The following CFAP97 variants were observed in gnomAD, a reference collection of about 807,000 sequenced individuals.
CFAP97 encodes cilia- and flagella-associated protein 97.
In CFAP97, 36 loss-of-function variants were observed where a neutral mutation model predicts 43.1. That is an observed-to-expected ratio of 0.84 (90% CI 0.64 to 1.10). The LOEUF (loss-of-function observed/expected upper bound fraction) is 1.10. Ranked by LOEUF, CFAP97 falls within the 50% of genes least tolerant of loss-of-function variation. CFAP97 has a pLI of 0.00. For synonymous variants in CFAP97, 228 were observed against 225.7 expected (o/e 1.01, Z -0.09); for missense variants, 657 against 620.3 (o/e 1.06, Z -0.63).
intron 4 of CFAP97, among the ~76,000 whole-genome samples, chr4:185,163,772 A>G (rs1357006491): frequency 1.3e-5 from 2 of 152,200 alleles, no homozygotes; most frequent in East Asian, 3.9e-4. Flanking sequence ...TGAAATTAAC[A>G]GTCCTTCCTC....
At chr4:185,178,597 G>A (rs1735655165) in intron 2 of CFAP97, among the ~76,000 whole-genome samples, 1 of 152,046 alleles carries the variant, frequency 6.6e-6, no homozygotes, top group South Asian at 2.1e-4. Context: ...CTAGGATGAT[G>A]GAAATGTTCT....
At chr4:185,180,682 C>A (rs554916018) in intron 2 of CFAP97, among the ~76,000 whole-genome samples, 3 of 152,192 alleles carry the variant, frequency 2.0e-5, no homozygotes, top group East Asian at 3.9e-4. Flanking sequence ...CACCCACTTG[C>A]ATTCTTTGTA....
intron 3 of CFAP97, among the ~76,000 whole-genome samples, chr4:185,164,968 G>C (rs911075031): frequency 1.3e-5 from 2 of 152,188 alleles, no homozygotes; most frequent in Non-Finnish European, 2.9e-5. Context: ...GGGCTTGTAG[G>C]CCACTGGGGA....
Position 185,189,471 on chromosome 4 carries a change from TTA to T in CFAP97, c.1054+670_1054+671del, listed in dbSNP as rs1202871369. Among the ~76,000 whole-genome samples the T allele has an allele frequency of 1.1e-4, 17 of 152,344 alleles. No individual in the cohort carries two copies. In the East Asian group the frequency reaches 2.9e-3, roughly 26 times the overall value. On this transcript the variant is annotated intron_variant, in intron 2 of 4. Transcript: ENST00000458385. ...AACCCACCCAGTATTATTAGTTCTA[TTA>T]ACTAATCCAAAGATAAACTTTGAAG...
At chr4:185,204,272 C>T (rs1737087078), upstream of CFAP97, 1 of 152,210 alleles carries the variant, frequency 6.6e-6, no homozygotes, top group Admixed American at 6.5e-5. Flanking sequence ...CGGGTAGGCC[C>T]CGTTGTTCTC....
At chr4:185,169,486 G>T (rs937922849) in intron 3 of CFAP97, 6 of 572,172 alleles carry the variant, frequency 1.0e-5, no homozygotes, top group Non-Finnish European at 1.3e-5. Context: ...TTGCAGAACT[G>T]TAAGTCAATT....
upstream of CFAP97, among the ~76,000 whole-genome samples, chr4:185,208,455 C>T (rs756015704): frequency 1.4e-4 from 22 of 152,136 alleles, no homozygotes; most frequent in African/African-American, 4.1e-4. Context: ...TGAGGCCGGG[C>T]GCGGTGGCTT....
At chr4:185,208,137 C>G (rs1225552090), upstream of CFAP97, among the ~76,000 whole-genome samples, 1 of 152,004 alleles carries the variant, frequency 6.6e-6, no homozygotes, top group Admixed American at 6.6e-5. Flanking sequence ...GAGACGAAGT[C>G]TCACTCTGTT....
intron 2 of CFAP97, among the ~76,000 whole-genome samples, chr4:185,188,996 G>C (rs1277321099): frequency 6.6e-6 from 1 of 152,128 alleles, no homozygotes. Flanking sequence ...CCAGCCCTTC[G>C]GGACGCTGAG....
upstream of CFAP97, among the ~76,000 whole-genome samples, chr4:185,208,171 C>T (rs1367450478): frequency 2.0e-5 from 3 of 151,998 alleles, no homozygotes; most frequent in Non-Finnish European, 4.4e-5. Context: ...TGCAATGGCG[C>T]GATGTCGGCT....
chr4:185,166,645 T>C (rs1397037487), intron 3 of CFAP97, among the ~76,000 whole-genome samples: 5 of 152,236 alleles, frequency 3.3e-5, no homozygotes, highest in African/African-American at 1.2e-4. Flanking sequence ...AAACCCATTC[T>C]GGAGTCTGAT....
At chr4:185,174,004 A>G (rs1735416210) in intron 3 of CFAP97, among the ~76,000 whole-genome samples, 1 of 152,032 alleles carries the variant, frequency 6.6e-6, no homozygotes, top group Non-Finnish European at 1.5e-5. Flanking sequence ...AAAAAAGGTA[A>G]CCCCAAAGCT....
intron 1 of CFAP97, among the ~76,000 whole-genome samples, chr4:185,191,792 C>T (rs1022494250): frequency 2.6e-5 from 4 of 151,926 alleles, no homozygotes; most frequent in African/African-American, 9.7e-5. Context: ...ATCACACCAC[C>T]GCACTCCAGC....
chr4:185,172,691 T>C (rs192696631), intron 3 of CFAP97, among the ~76,000 whole-genome samples: 5 of 152,208 alleles, frequency 3.3e-5, no homozygotes, highest in Admixed American at 6.5e-5. Context: ...ATGTGTACTT[T>C]GAATATTAAC....
Position 185,162,858 on chromosome 4 carries a change from G to A in CFAP97, c.1539C>T (p.Pro513=), listed in dbSNP as rs778042401. ...GTCTTCTTCGAGGGTGGCCACTGGA[G>A]GGGTCAACCGCTGATCGCTCACTCC... ...SCRSERSAVD[P]SSGHPRRRPK... The change falls in exon 5 of 5, where the codon CCC becomes CCT. Residue 513 remains proline, a synonymous_variant. Transcript: ENST00000458385. The A allele has an allele frequency of 1.7e-5, 28 of 1,612,572 alleles. No homozygotes were observed. The highest frequency in any genetic ancestry group is 2.0e-5 in the Non-Finnish European group (23 of 1,179,416).
At chr4:185,166,112 G>C (rs1357570642) in intron 3 of CFAP97, among the ~76,000 whole-genome samples, 1 of 152,118 alleles carries the variant, frequency 6.6e-6, no homozygotes, top group African/African-American at 2.4e-5. Context: ...CTAGAAAAGA[G>C]TCACCTACTC....
chr4:185,182,730 T>A (rs966755241), intron 2 of CFAP97, among the ~76,000 whole-genome samples: 3 of 152,220 alleles, frequency 2.0e-5, no homozygotes, highest in Non-Finnish European at 2.9e-5. Flanking sequence ...CCTATACTGG[T>A]AGATTCAATT....
chr4:185,184,721 T>G (rs777049308), intron 2 of CFAP97, among the ~76,000 whole-genome samples: 1 of 152,210 alleles, frequency 6.6e-6, no homozygotes, highest in Non-Finnish European at 1.5e-5. Context: ...ATTCCCTTCT[T>G]GTATTCAAAA....
rs76206473 is a variant in CFAP97, at chr4:185,163,384, G to A, written c.1472-459C>T. Among the ~76,000 whole-genome samples the A allele has an allele frequency of 3.4e-3, 523 of 152,128 alleles. 2 individuals carry two copies. Among genetic ancestry groups the A allele is most frequent in the African/African-American group, 0.011 (466 of 41,482 alleles). ...GCGGGCGCTGGGAAGTTGTGGCATCGGGCGGTTTGGTATTCCCTTCTATTT... is the reference window on the plus strand; with the variant it reads ...GCGGGCGCTGGGAAGTTGTGGCATCAGGCGGTTTGGTATTCCCTTCTATTT... On this transcript the variant is annotated intron_variant, in intron 4 of 4. Transcript: ENST00000458385.
Sources: allele counts gnomAD v4.1 joint callset (sites outside exome capture counted in the v4.1 genomes callset), GRCh38; gene constraint gnomAD v4.1.1; transcripts MANE v1.5; gene names NCBI Gene and HGNC (gene_info 2026-07-23, HGNC 2026-07-21).